Variants in RBFOX1 observed in about 807,000 individuals in gnomAD.
The protein encoded by RBFOX1 is RNA binding fox-1 homolog 1.
RBFOX1 carries 8 observed loss-of-function variants against 57.7 expected under a neutral mutation model. That is an observed-to-expected ratio of 0.14 (90% CI 0.08 to 0.25). RBFOX1 has a LOEUF of 0.25. Ranked by LOEUF, RBFOX1 falls within the 10% of genes least tolerant of loss-of-function variation. The probability of loss-of-function intolerance (pLI) is 1.00; values close to 1 mark genes in which losing one functional copy is unlikely to be tolerated. For missense variants in RBFOX1, 611 were observed against 548.5 expected, an observed-to-expected ratio of 1.11 and a Z score of -1.14; for synonymous variants, 326 against 222.4, an observed-to-expected ratio of 1.47 and a Z score of -4.15.
chr16:6,091,563 C>T (rs562319826), intron 1 of RBFOX1, among the ~76,000 whole-genome samples: 1 of 152,312 alleles, frequency 6.6e-6, no homozygotes, highest in South Asian at 2.1e-4. Flanking sequence ...AGTGTCATGG[C>T]TCACGCCTGT....
intron 14 of RBFOX1, among the ~76,000 whole-genome samples, chr16:7,691,961 C>G (rs974715457): frequency 5.3e-5 from 8 of 152,134 alleles, no homozygotes; most frequent in Non-Finnish European, 1.2e-4. Context: ...CCCAGAATAT[C>G]ATACCTGTAG....
At chr16:5,336,026 G>T (rs542361736) in intron 1 of RBFOX1, among the ~76,000 whole-genome samples, 2 of 152,192 alleles carry the variant, frequency 1.3e-5, no homozygotes, top group Non-Finnish European at 2.9e-5. Flanking sequence ...TGGAGGCTCA[G>T]AGAGGTTAAG....
intron 4 of RBFOX1, among the ~76,000 whole-genome samples, chr16:5,940,848 C>A (rs965741486): frequency 6.6e-6 from 1 of 152,104 alleles, no homozygotes; most frequent in South Asian, 2.1e-4. Flanking sequence ...ATCTAGGTGG[C>A]TGGGTGGGGG....
At chr16:6,028,868 C>G (rs897786464) in intron 1 of RBFOX1, among the ~76,000 whole-genome samples, 3 of 152,180 alleles carry the variant, frequency 2.0e-5, no homozygotes, top group Non-Finnish European at 4.4e-5. Flanking sequence ...CCCTGAGCGC[C>G]AAGGTGCGAA....
intron 2 of RBFOX1, among the ~76,000 whole-genome samples, chr16:6,498,429 C>T (rs2095832605): frequency 6.6e-6 from 1 of 152,130 alleles, no homozygotes; most frequent in Non-Finnish European, 1.5e-5. Flanking sequence ...AAAGAGAAGA[C>T]AGACCAGTTA....
At chr16:7,025,436 A>G (rs956254334) in intron 3 of RBFOX1, among the ~76,000 whole-genome samples, 5 of 152,214 alleles carry the variant, frequency 3.3e-5, no homozygotes, top group Admixed American at 6.5e-5. Flanking sequence ...ATTTTATCGT[A>G]TGACTTAGAA....
intron 4 of RBFOX1, among the ~76,000 whole-genome samples, chr16:7,108,665 T>A (rs752613787): frequency 6.6e-5 from 10 of 152,158 alleles, no homozygotes; most frequent in Non-Finnish European, 1.3e-4. Context: ...TTTAAAGCAA[T>A]GCAACAATTT....
chr16:7,264,876 A>C (rs10852682), intron 4 of RBFOX1, among the ~76,000 whole-genome samples: 4 of 152,190 alleles, frequency 2.6e-5, no homozygotes, highest in Admixed American at 2.6e-4. Context: ...ATACATGACT[A>C]TTTGAGACAT....
intron 3 of RBFOX1, among the ~76,000 whole-genome samples, chr16:6,723,302 T>G (rs1370988445): frequency 6.6e-6 from 1 of 152,180 alleles, no homozygotes; most frequent in Non-Finnish European, 1.5e-5. Context: ...TATAGGCACC[T>G]ACTGTATCAG....
At chr16:6,683,699 T>A (rs2154124850) in intron 3 of RBFOX1, among the ~76,000 whole-genome samples, 1 of 152,198 alleles carries the variant, frequency 6.6e-6, no homozygotes, top group African/African-American at 2.4e-5. Flanking sequence ...CACACCCTAG[T>A]CTAAGTACAG....
chr16:6,110,492 A>G (rs947678715), intron 1 of RBFOX1, among the ~76,000 whole-genome samples: 2 of 152,192 alleles, frequency 1.3e-5, no homozygotes, highest in Non-Finnish European at 2.9e-5. Flanking sequence ...TTAAGCAGTC[A>G]TTTGTGAAAT....
At position 5,946,248 on chromosome 16, in the gene RBFOX1, C is replaced by G. The variant is rs2059397898; in HGVS notation, c.351+78913C>G. Among the ~76,000 whole-genome samples the G allele has an allele frequency of 6.6e-6, 1 of 152,188 alleles. No individual in the cohort carries two copies. The highest frequency in any genetic ancestry group is 1.5e-5 in the Non-Finnish European group (1 of 68,040). On this transcript the variant is annotated intron_variant, in intron 4 of 19. Coordinates refer to the RBFOX1 transcript ENST00000641259. This position sits in a 1 kb window ranked among gnomAD's most constrained non-coding sequence, Gnocchi z 4.6. ...TTCACGTCTCTAAGTGTCTCTAAGT[C>G]TCAGCTTTCTAATCTGTAAAAGGGA... is the stretch of plus-strand genomic sequence containing the variant.
intron 1 of RBFOX1, among the ~76,000 whole-genome samples, chr16:6,088,895 T>G (rs973845007): frequency 1.3e-4 from 20 of 151,942 alleles, no homozygotes; most frequent in East Asian, 3.9e-4. Context: ...AGGAGATCAA[T>G]ACCATCCTCG....
At chr16:5,816,975 A>G (rs1174460608) in intron 3 of RBFOX1, among the ~76,000 whole-genome samples, 2 of 152,140 alleles carry the variant, frequency 1.3e-5, no homozygotes, top group African/African-American at 4.8e-5. Context: ...GATCCAAACA[A>G]AAATATTTCT....
At chr16:6,947,795 G>C (rs2079859307) in intron 3 of RBFOX1, among the ~76,000 whole-genome samples, 1 of 151,798 alleles carries the variant, frequency 6.6e-6, no homozygotes, top group South Asian at 2.1e-4. Flanking sequence ...TCATTTTTTG[G>C]AGATGGAGTC....
At chr16:5,765,886 A>T (rs1292439916) in intron 3 of RBFOX1, among the ~76,000 whole-genome samples, 1 of 152,168 alleles carries the variant, frequency 6.6e-6, no homozygotes, top group Non-Finnish European at 1.5e-5. Flanking sequence ...GGAAAAGACA[A>T]CCTTGGTTGT....
At position 5,330,857 on chromosome 16, in the gene RBFOX1, C is replaced by T. The variant is rs556686871; in HGVS notation, c.219+90752C>T. ...GCAAGGTGGAGGCTGCTAAAAATTT[C>T]TCCATTGCCTGTGTACTCAAGCCTG... On this transcript the variant is annotated intron_variant, in intron 1 of 2. Transcript: ENST00000585867. Among the ~76,000 whole-genome samples the T allele has an allele frequency of 2.6e-5, 4 of 152,260 alleles. No homozygotes were observed. The East Asian group carries it at 7.7e-4, about 29-fold the overall frequency.
intron 3 of RBFOX1, among the ~76,000 whole-genome samples, chr16:6,933,121 C>T (rs897312083): frequency 2.6e-5 from 4 of 152,166 alleles, no homozygotes; most frequent in African/African-American, 9.7e-5. Flanking sequence ...GTGTAAACCA[C>T]ATTTCTCTTA....
chr16:5,952,778 A>T (rs1567184206), intron 4 of RBFOX1, among the ~76,000 whole-genome samples: 1 of 152,132 alleles, frequency 6.6e-6, no homozygotes, highest in Non-Finnish European at 1.5e-5. Context: ...TGTCTTGTGC[A>T]CACCTGGGAG....
Sources: allele counts gnomAD v4.1 joint callset (sites outside exome capture counted in the v4.1 genomes callset), GRCh38; gene constraint gnomAD v4.1.1; non-coding constraint Gnocchi (gnomAD v3.1); transcripts MANE v1.5; gene names NCBI Gene and HGNC (gene_info 2026-07-23, HGNC 2026-07-21).